The following EXOC3L2 variants were observed in gnomAD, a reference collection of about 807,000 sequenced individuals.
EXOC3L2 encodes exocyst complex component 3 like 2.
EXOC3L2 carries 17 observed loss-of-function variants against 44.4 expected under a neutral mutation model. The observed-to-expected ratio is 0.38, with a 90% confidence interval of 0.26 to 0.57. The LOEUF is 0.57. EXOC3L2 is among the 20% of genes least tolerant of loss of function. The pLI, the probability that EXOC3L2 is intolerant of heterozygous loss-of-function variation, is 0.65. For missense variants in EXOC3L2, 541 were observed against 588.4 expected (o/e 0.92, Z 0.83); for synonymous variants, 256 against 253.7 (o/e 1.01, Z -0.09).
intron 1 of EXOC3L2, among the ~76,000 whole-genome samples, chr19:45,239,644 C>T (rs145605569): frequency 0.21 from 31,884 of 151,728 alleles, 3,764 homozygotes; most frequent in South Asian, 0.29. Flanking sequence ...CCTCAGCCTC[C>T]GGAGTAGCTG....
chr19:45,214,527 C>T (rs144670664), intron 11 of EXOC3L2, among the ~76,000 whole-genome samples: 1,751 of 152,052 alleles, frequency 0.012, 17 homozygotes, highest in South Asian at 0.023. Context: ...TGCAGTGGCG[C>T]GATCTCAGCT....
rs1235827603 is a variant in EXOC3L2 at position 45,238,874 on chromosome 19, G to A, written c.172C>T (p.Leu58=). ...NGTSCRRRAT[L]EKLAGLAPFR... Reference sequence around the variant, plus strand: ...GGGGCCAGGCCCGCAAGCTTCTCCAGGGTGGCGCGGCGGCGACAAGATGTT... The same window carrying A: ...GGGGCCAGGCCCGCAAGCTTCTCCAAGGTGGCGCGGCGGCGACAAGATGTT... The change falls in exon 2 of 12, where the codon CTG becomes TTG. Residue 58 remains leucine, a synonymous_variant. Coordinates refer to ENST00000413988, the MANE Select transcript of EXOC3L2 (RefSeq NM_001382422.1). This position sits in a 1 kb window ranked among gnomAD's most constrained non-coding sequence, Gnocchi z 5.5. 1 of 399,086 alleles carries A rather than the reference G, an allele frequency of 2.5e-6. No homozygotes were observed. The highest frequency in any genetic ancestry group is 2.1e-5 in the African/African-American group (1 of 48,624). 24.7% of individuals were successfully genotyped at this position (399,086 alleles called of 1,614,324 possible).
chr19:45,227,863 C>A, intron 6 of EXOC3L2, 91 bp from the exon 7 acceptor site: 1 of 1,512,648 alleles, frequency 6.6e-7, no homozygotes, highest in Non-Finnish European at 9.0e-7. Context: ...CCTGCGGTGG[C>A]ACTCTACCTG....
chr19:45,227,869 A>G lies in EXOC3L2; in HGVS notation c.1473-97T>C. 7 of 1,509,734 alleles carry G rather than the reference A, an allele frequency of 4.6e-6. No homozygotes were observed. The South Asian group carries it at 8.3e-5, about 18-fold the overall frequency. The allele number at this position is 1,509,734 out of a possible 1,614,324, so 93.5% of individuals were successfully genotyped here. A position where few individuals can be genotyped will look rare whatever the true frequency, so the allele number is the denominator to read the frequency against. On this transcript the variant is annotated intron_variant, in intron 6 of 11. Coordinates refer to ENST00000413988, the MANE Select transcript of EXOC3L2 (RefSeq NM_001382422.1). ...GCCACCATCCCTGCGGTGGCACTCT[A>G]CCTGTCCTCAGGTGACTCCCTCTCA... is the stretch of plus-strand genomic sequence containing the variant.
chr19:45,215,897 C>T (rs1001078940), intron 11 of EXOC3L2, among the ~76,000 whole-genome samples, 176 bp downstream of exon 11: 9 of 152,244 alleles, frequency 5.9e-5, no homozygotes, highest in African/African-American at 1.7e-4. Flanking sequence ...GCAGCAGCGG[C>T]GGCAGGAGAA....
chr19:45,241,477 C>CAAAAAAAA (rs554632176), intron 1 of EXOC3L2, among the ~76,000 whole-genome samples: 1 of 94,856 alleles, frequency 1.1e-5, no homozygotes, highest in African/African-American at 4.3e-5. Context: ...GACTCCATCT[C>CAAAAAAAA]AAAAAAAAAA....
At position 45,231,888 on chromosome 19, in the gene EXOC3L2, T is replaced by A. The variant is rs751489490; in HGVS notation, c.1158-14A>T. On this transcript the variant is annotated splice_polypyrimidine_tract_variant and intron_variant, in intron 3 of 11. Coordinates refer to ENST00000413988, the MANE Select transcript of EXOC3L2 (RefSeq NM_001382422.1). ...CCTAGGACCTCTCTGGGGATGGGGG[T>A]GAGAGAAAAGGAGGTCTGTGAAAAG... is the stretch of plus-strand genomic sequence containing the variant. 1 of 1,560,370 alleles carries A rather than the reference T, an allele frequency of 6.4e-7. No homozygotes were observed. The highest frequency in any genetic ancestry group is 8.8e-7 in the Non-Finnish European group (1 of 1,138,568).
Position 45,213,108 on chromosome 19 carries a change from G to A in EXOC3L2, c.2370C>T (p.Pro790=), listed in dbSNP as rs1288593330. 6.5e-7 allele frequency: 1 copy of A among 1,541,480 alleles called. No homozygotes were observed. Among genetic ancestry groups the A allele is most frequent in the Non-Finnish European group, 8.7e-7 (1 of 1,148,286 alleles). The change falls in exon 12 of 12, where the codon CCC becomes CCT. Residue 790 remains proline, a synonymous_variant. Coordinates refer to ENST00000413988, the MANE Select transcript of EXOC3L2 (RefSeq NM_001382422.1). The part of the protein sequence containing the change: ...ARPSLACLPR[P]RPPSLARPRA... ...GAGGTCGCGCTAGAGACGGAGGCCGGGGCCGAGGCAGACAGGCCAAACTGG... is the reference window on the plus strand; with the variant it reads ...GAGGTCGCGCTAGAGACGGAGGCCGAGGCCGAGGCAGACAGGCCAAACTGG...
intron 1 of EXOC3L2, among the ~76,000 whole-genome samples, chr19:45,244,705 C>T (rs1224836712): frequency 2.0e-5 from 3 of 152,138 alleles, no homozygotes; most frequent in South Asian, 4.1e-4. Flanking sequence ...CCTTCTGCAG[C>T]GGCCCTGACC....
At chr19:45,213,434 C>T in intron 11 of EXOC3L2, 77 bp from the exon 12 acceptor site, 1 of 1,552,292 alleles carries the variant, frequency 6.4e-7, no homozygotes, top group Non-Finnish European at 8.7e-7. Context: ...TGGACCCCAC[C>T]TGACCCCCTC....
chr19:45,213,178 A>G lies in EXOC3L2; in HGVS notation c.2300T>C (p.Leu767Pro). ...PVPRPSFCLS[L>P]PLFLGRLPLS... The stretch of plus-strand genomic sequence containing the variant: ...GGGGAGGCGGCCCAGGAAGAGAGGG[A>G]GGCTGAGACAGAAAGATGGGCGGGG... Residue 767 changes from leucine to proline, a missense_variant, in exon 12 of 12, where the codon CTC (leucine) becomes CCC (proline). Physicochemically the swap from Leu to Pro is moderately conservative, Grantham distance 98. Coordinates refer to ENST00000413988, the MANE Select transcript of EXOC3L2 (RefSeq NM_001382422.1). 4 of 1,601,870 alleles carry G rather than the reference A, an allele frequency of 2.5e-6. No homozygotes were observed. Among genetic ancestry groups the G allele is most frequent in the Non-Finnish European group, 3.4e-6 (4 of 1,173,948 alleles).
At chr19:45,237,379 T>C (rs1223786500) in intron 2 of EXOC3L2, among the ~76,000 whole-genome samples, 5 of 152,088 alleles carry the variant, frequency 3.3e-5, no homozygotes, top group Non-Finnish European at 5.9e-5. Context: ...TATGTGCCTG[T>C]AGTCCCAGCT....
intron 7 of EXOC3L2, among the ~76,000 whole-genome samples, chr19:45,226,652 T>G (rs1202617184): frequency 6.6e-6 from 1 of 151,780 alleles, no homozygotes; most frequent in Non-Finnish European, 1.5e-5. Context: ...ACCAGGCTGG[T>G]CTTGAACTCC....
chr19:45,235,532 G>C (rs982682964), intron 2 of EXOC3L2, among the ~76,000 whole-genome samples: 1 of 152,016 alleles, frequency 6.6e-6, no homozygotes, highest in Non-Finnish European at 1.5e-5. Flanking sequence ...GGGTCTTTTT[G>C]GGGTGGGGAT....
At chr19:45,225,824 T>G (rs1969954012) in intron 7 of EXOC3L2, among the ~76,000 whole-genome samples, 1 of 152,054 alleles carries the variant, frequency 6.6e-6, no homozygotes, top group South Asian at 2.1e-4. Flanking sequence ...GTTTTCACCA[T>G]GTTGGTCAGG....
chr19:45,218,175 C>G, intron 9 of EXOC3L2, 22 bp downstream of exon 9: 1 of 1,412,030 alleles, frequency 7.1e-7, no homozygotes. Flanking sequence ...CCCCCACCTC[C>G]CCTCCCCTCA....
At position 45,212,804 on chromosome 19, in the gene EXOC3L2, T is replaced by C. The variant is rs1969789341; in HGVS notation, c.*265A>G. 3 of 402,064 alleles carry C rather than the reference T, an allele frequency of 7.5e-6. No individual in the cohort carries two copies. The highest frequency in any genetic ancestry group is 1.3e-5 in the Non-Finnish European group (3 of 229,528). 24.9% of individuals were successfully genotyped at this position (402,064 alleles called of 1,614,324 possible). A position where few individuals can be genotyped will look rare whatever the true frequency, so the allele number is the denominator to read the frequency against. On this transcript the variant is annotated 3_prime_UTR_variant, in exon 12 of 12. Transcript: ENST00000413988. ...AGATAGGGGGCAGGTCTCACTATGT[T>C]GCCCAGGCTGGTCTTGAACTCCTGG...
chr19:45,242,061 C>T lies in EXOC3L2; in HGVS notation c.-16-3000G>A, dbSNP rs534783792. On this transcript the variant is annotated intron_variant, in intron 1 of 11. Transcript: ENST00000413988. ...CGAGCTGGAAGAGGTCACTAGGGAG[C>T]AGGCCACGCAGGGCTTTAAGTTCCT... 2.2e-4 allele frequency among the ~76,000 whole-genome samples: 33 copies of T among 152,298 alleles called. No individual in the cohort carries two copies. In the East Asian group the frequency reaches 6.0e-3, roughly 28 times the overall value.
chr19:45,228,793 TG>T (rs1256627981), intron 4 of EXOC3L2, among the ~76,000 whole-genome samples: 3 of 142,304 alleles, frequency 2.1e-5, no homozygotes, highest in African/African-American at 8.0e-5. Context: ...TAAAATAGGC[TG>T]GGCGCGGTGG....
Sources: gnomAD v4.1 joint callset for allele counts (sites outside exome capture counted in the v4.1 genomes callset) on GRCh38, gnomAD v4.1.1 for gene constraint, Gnocchi (gnomAD v3.1) non-coding constraint, MANE v1.5 for transcripts, NCBI Gene and HGNC (gene_info 2026-07-23, HGNC 2026-07-21) for gene names.